The following ZNF148 variants were observed in gnomAD, a reference collection of about 807,000 sequenced individuals.
The protein encoded by ZNF148 is Beta-Enolase Repressor Factor-1.
ZNF148 carries 7 observed loss-of-function variants against 67.7 expected under a neutral mutation model. The observed-to-expected ratio is 0.10, with a 90% CI of 0.06 to 0.19. The LOEUF is 0.19. Ranked by LOEUF, ZNF148 falls within the 10% of genes least tolerant of loss-of-function variation. ZNF148 has a pLI of 1.00. For synonymous variants in ZNF148, 333 were observed against 330.7 expected (o/e 1.01, Z -0.08); for missense variants, 583 against 947.1 (o/e 0.62, Z 5.05).
At chr3:125,373,044 A>C (rs1942942172) in intron 1 of ZNF148, among the ~76,000 whole-genome samples, 1 of 152,120 alleles carries the variant, frequency 6.6e-6, no homozygotes, top group African/African-American at 2.4e-5. Context: ...TTCTGCTTAC[A>C]AAAATTAAAA....
At chr3:125,305,798 A>AAAAAAAAG (rs529178948) in intron 4 of ZNF148, among the ~76,000 whole-genome samples, 1 of 151,920 alleles carries the variant, frequency 6.6e-6, no homozygotes, top group South Asian at 2.1e-4. Flanking sequence ...GGGCAAAAAA[A>AAAAAAAAG]AAAAAAAGAA....
At chr3:125,243,503 T>A (rs557307363) in intron 7 of ZNF148, among the ~76,000 whole-genome samples, 1 of 152,172 alleles carries the variant, frequency 6.6e-6, no homozygotes, top group East Asian at 1.9e-4. Flanking sequence ...ATTCCTGATG[T>A]GTGTACTTTC....
At chr3:125,343,666 T>C (rs62270354) in intron 1 of ZNF148, among the ~76,000 whole-genome samples, 14,113 of 151,800 alleles carry the variant, frequency 0.093, 840 homozygotes, top group Middle Eastern at 0.14. Flanking sequence ...CAGGGACAAA[T>C]AAGGGAATAA....
chr3:125,299,936 A>G (rs1939499305), intron 4 of ZNF148, among the ~76,000 whole-genome samples: 1 of 152,244 alleles, frequency 6.6e-6, no homozygotes, highest in Non-Finnish European at 1.5e-5. Flanking sequence ...TGATATTCAA[A>G]TAATACGCTG....
At chr3:125,249,753 C>G (rs1292330407) in intron 7 of ZNF148, among the ~76,000 whole-genome samples, 4 of 151,944 alleles carry the variant, frequency 2.6e-5, no homozygotes, top group Admixed American at 2.6e-4. Context: ...TCACAATAGC[C>G]AAGATATAGA....
chr3:125,270,342 A>C (rs1037350405), intron 7 of ZNF148, among the ~76,000 whole-genome samples: 5 of 120,902 alleles, frequency 4.1e-5, no homozygotes, highest in Non-Finnish European at 9.5e-5. Context: ...CTCCATCTCT[A>C]AAAAAAAAAA....
At chr3:125,264,147 A>G (rs1937467825) in intron 7 of ZNF148, among the ~76,000 whole-genome samples, 1 of 152,188 alleles carries the variant, frequency 6.6e-6, no homozygotes, top group Non-Finnish European at 1.5e-5. Context: ...GTACAACTGA[A>G]TCCTTTGTAA....
chr3:125,262,371 A>G (rs1937384435), intron 7 of ZNF148, among the ~76,000 whole-genome samples: 1 of 152,266 alleles, frequency 6.6e-6, no homozygotes, highest in Non-Finnish European at 1.5e-5. Flanking sequence ...ATCAAGGTCC[A>G]AAATCTGACG....
chr3:125,264,836 A>G (rs1937496575), intron 7 of ZNF148, among the ~76,000 whole-genome samples: 1 of 152,212 alleles, frequency 6.6e-6, no homozygotes, highest in South Asian at 2.1e-4. Context: ...ATCATTAAAC[A>G]ATCATTTCAA....
chr3:125,256,881 T>C (rs974383519), intron 7 of ZNF148, among the ~76,000 whole-genome samples: 24 of 152,206 alleles, frequency 1.6e-4, no homozygotes, highest in African/African-American at 5.8e-4. Context: ...TCATTAATCT[T>C]CTCTTTTGTT....
chr3:125,299,027 T>C (rs1235382320), intron 4 of ZNF148, among the ~76,000 whole-genome samples: 1 of 152,224 alleles, frequency 6.6e-6, no homozygotes. Flanking sequence ...TCAATATTAG[T>C]AGCTATTTCT....
intron 7 of ZNF148, among the ~76,000 whole-genome samples, chr3:125,257,124 G>GT (rs759047722): frequency 1.4e-4 from 21 of 151,936 alleles, no homozygotes; most frequent in Non-Finnish European, 2.8e-4. Flanking sequence ...TCACCCATGA[G>GT]TTTGTTTTTA....
chr3:125,353,712 C>G (rs983161056), intron 1 of ZNF148, among the ~76,000 whole-genome samples: 16 of 151,946 alleles, frequency 1.1e-4, no homozygotes, highest in Admixed American at 3.3e-4. Context: ...GCCTTGGTCT[C>G]CCATAGTGTA....
intron 7 of ZNF148, among the ~76,000 whole-genome samples, chr3:125,276,653 C>T (rs555632574): frequency 1.3e-5 from 2 of 152,126 alleles, no homozygotes; most frequent in South Asian, 2.1e-4. Flanking sequence ...AGGCTGGTAT[C>T]GAACTCCCGA....
chr3:125,257,339 G>C (rs1937131418), intron 7 of ZNF148, among the ~76,000 whole-genome samples: 2 of 152,018 alleles, frequency 1.3e-5, no homozygotes. Flanking sequence ...ATCACCTGAG[G>C]TCAGGAGTTT....
intron 1 of ZNF148, chr3:125,344,534 CA>C: frequency 1.8e-6 from 2 of 1,108,758 alleles, no homozygotes; most frequent in Non-Finnish European, 1.4e-6. Context: ...AAGCCAAACT[CA>C]AATGGACTGT....
rs1053738 is a variant in ZNF148 at position 125,232,977 on chromosome 3, C to T, written c.1749G>A (p.Pro583=). 1,202,189 of 1,613,580 alleles carry T rather than the reference C, an allele frequency of 0.75. 451,839 individuals carry two copies. Among genetic ancestry groups the T allele is most frequent in the African/African-American group, 0.86 (64,271 of 74,946 alleles). ...GGGAGCTTGATCCAACATTCTCTGA[C>T]GGGGTGACCTCTGGTACTTCTGAAG... The part of the protein sequence containing the change: ...INSSEVPEVT[P]SENVGSSSQA... The change falls in exon 9 of 9, where the codon CCG becomes CCA. Residue 583 remains proline, a synonymous_variant. Transcript: ENST00000360647. This position sits in a 1 kb window ranked among gnomAD's most constrained non-coding sequence, Gnocchi z 4.2.
At chr3:125,296,791 A>G (rs922856172) in intron 4 of ZNF148, among the ~76,000 whole-genome samples, 1 of 152,180 alleles carries the variant, frequency 6.6e-6, no homozygotes, top group African/African-American at 2.4e-5. Flanking sequence ...GGCATTATAC[A>G]AATATTAGAA....
chr3:125,344,545 T>G, intron 1 of ZNF148: 1 of 1,067,954 alleles, frequency 9.4e-7, no homozygotes, highest in South Asian at 1.2e-5. Flanking sequence ...AAATGGACTG[T>G]CAAAATGACT....
Sources: allele counts gnomAD v4.1 joint callset (sites outside exome capture counted in the v4.1 genomes callset), GRCh38; gene constraint gnomAD v4.1.1; non-coding constraint Gnocchi (gnomAD v3.1); transcripts MANE v1.5; gene names NCBI Gene and HGNC (gene_info 2026-07-23, HGNC 2026-07-21).